WFDC2: variants seen among roughly 807,000 people sequenced by gnomAD.
WFDC2 encodes WAP four-disulfide core domain 2, also known as WAP four-disulfide core domain protein 2.
Under a neutral mutation model 12.5 loss-of-function variants are expected in WFDC2, and 8 were observed. The ratio of observed to expected loss-of-function variants is 0.64; its 90% confidence interval spans 0.37 to 1.15. WFDC2 has a LOEUF of 1.15. Among genes scored for constraint, WFDC2 ranks in the 50% most tolerant of loss-of-function variants. The probability of loss-of-function intolerance (pLI) is 0.01; values close to 1 mark genes in which losing one functional copy is unlikely to be tolerated. For missense variants in WFDC2, 166 were observed against 159.9 expected (o/e 1.04, Z -0.21); for synonymous variants, 74 against 67.2 (o/e 1.10, Z -0.49).
At position 45,470,545 on chromosome 20, in the gene WFDC2, C is replaced by T. The variant is rs753643547; in HGVS notation, c.223+13C>T. The T allele has an allele frequency of 1.1e-5, 18 of 1,582,084 alleles. No homozygotes were observed. Among genetic ancestry groups the T allele is most frequent in the South Asian group, 2.3e-5 (2 of 87,136 alleles). ...TCTCTGCCCAATGGTAACCCCACGG[C>T]GGCCGAGCGGGAACGGGGCGGGGCC... On this transcript the variant is annotated intron_variant, in intron 2 of 3. Coordinates refer to ENST00000372676, the MANE Select transcript of WFDC2 (RefSeq NM_006103.4). The surrounding 1 kb of genome is among the most constrained non-coding windows in gnomAD (Gnocchi z 5.4).
chr20:45,474,987 T>G (rs192403677), intron 2 of WFDC2, among the ~76,000 whole-genome samples: 85 of 152,360 alleles, frequency 5.6e-4, no homozygotes, highest in African/African-American at 1.7e-3. Context: ...TAGTATTCTC[T>G]GATGGTAGAT....
At chr20:45,477,284 G>A (rs1026451117) in intron 2 of WFDC2, among the ~76,000 whole-genome samples, 31 of 152,132 alleles carry the variant, frequency 2.0e-4, no homozygotes, top group African/African-American at 6.5e-4. Flanking sequence ...CAGCCTTTTT[G>A]TGCTGGTTTC....
chr20:45,476,981 GTATAGGCTTCATGACGT>G (rs1991240747), intron 2 of WFDC2, among the ~76,000 whole-genome samples: 1 of 151,468 alleles, frequency 6.6e-6, no homozygotes, highest in Non-Finnish European at 1.5e-5. Context: ...ATTGATACTT[GTATAGGCTTCATGACGT>G]TCTCGTGCTG....
chr20:45,470,406 A>ACTGG lies in WFDC2; in HGVS notation c.99_102dup (p.Val35TrpfsTer9), dbSNP rs760216084. The ACTGG allele has an allele frequency of 1.3e-6, 2 of 1,589,656 alleles. No homozygotes were observed. The highest frequency in any genetic ancestry group is 1.7e-6 in the Non-Finnish European group (2 of 1,167,312). On this transcript the variant is annotated frameshift_variant, in exon 2 of 4. Transcript: ENST00000372676. LOFTEE classifies it high-confidence loss of function. The surrounding 1 kb of genome is among the most constrained non-coding windows in gnomAD (Gnocchi z 5.4). ...CCTCCCAGGCACAGGAGCAGAGAAG[A>ACTGG]CTGGCGTGTGCCCCGAGCTCCAGGC...
At chr20:45,475,164 A>G (rs770108396) in intron 2 of WFDC2, among the ~76,000 whole-genome samples, 1 of 151,804 alleles carries the variant, frequency 6.6e-6, no homozygotes, top group African/African-American at 2.4e-5. Context: ...AGGGTTTTTC[A>G]TGTCTCTATC....
rs1991157261 is a variant in WFDC2, at chr20:45,470,572, C to T, written c.223+40C>T. ...GCCGAGCGGGAACGGGGCGGGGCCGCGCTGGGCTGGGAGGAGGTGGGAGGG... is the reference window on the plus strand; with the variant it reads ...GCCGAGCGGGAACGGGGCGGGGCCGTGCTGGGCTGGGAGGAGGTGGGAGGG... On this transcript the variant is annotated intron_variant, in intron 2 of 3. Coordinates refer to ENST00000372676, the MANE Select transcript of WFDC2 (RefSeq NM_006103.4). This position sits in a 1 kb window ranked among gnomAD's most constrained non-coding sequence, Gnocchi z 5.4. The T allele has an allele frequency of 1.9e-6, 3 of 1,542,438 alleles. No homozygotes were observed. Among genetic ancestry groups the T allele is most frequent in the Non-Finnish European group, 8.8e-7 (1 of 1,139,878 alleles).
At chr20:45,471,282 G>A in intron 2 of WFDC2, 1 of 427,968 alleles carries the variant, frequency 2.3e-6, no homozygotes, top group Non-Finnish European at 5.0e-6. Context: ...TCTCTCAAAG[G>A]TGCTTGCTGG....
intron 2 of WFDC2, among the ~76,000 whole-genome samples, chr20:45,473,671 T>C (rs1991199630): frequency 6.6e-6 from 1 of 152,238 alleles, no homozygotes; most frequent in South Asian, 2.1e-4. Context: ...TGTGGGCTTT[T>C]ATTTGGTTCC....
intron 2 of WFDC2, among the ~76,000 whole-genome samples, chr20:45,474,998 T>G (rs779389680): frequency 2.0e-5 from 3 of 152,222 alleles, no homozygotes; most frequent in Non-Finnish European, 4.4e-5. Context: ...GATGGTAGAT[T>G]GTATTTCTGT....
rs16990216 is a variant in WFDC2 at position 45,470,143 on chromosome 20, C to A, written c.80-246C>A. On this transcript the variant is annotated intron_variant, in intron 1 of 3. Transcript: ENST00000372676. The surrounding 1 kb of genome is among the most constrained non-coding windows in gnomAD (Gnocchi z 5.4). ...TGCCTCGACCTCGGAAGCTCCGAGA[C>A]GCTCAGCTGTGCGGCGTCCCCTAGG... 0.099 allele frequency among the ~76,000 whole-genome samples: 15,049 copies of A among 152,100 alleles called. 1,144 individuals are homozygous for A. The highest frequency in any genetic ancestry group is 0.2 in the African/African-American group (8,390 of 41,470).
chr20:45,471,234 C>G (rs1345100615), intron 2 of WFDC2: 2 of 465,632 alleles, frequency 4.3e-6, no homozygotes, highest in Non-Finnish European at 9.0e-6. Flanking sequence ...CAGTCAATCT[C>G]TTCCACTCTA....
At chr20:45,475,067 C>G (rs554750818) in intron 2 of WFDC2, among the ~76,000 whole-genome samples, 22 of 152,096 alleles carry the variant, frequency 1.4e-4, no homozygotes, top group African/African-American at 5.3e-4. Flanking sequence ...ATTCTTCTCT[C>G]TTTTCTTTAT....
Position 45,470,674 on chromosome 20 carries a change from C to A in WFDC2, c.223+142C>A. On this transcript the variant is annotated intron_variant, in intron 2 of 3. Coordinates refer to ENST00000372676, the MANE Select transcript of WFDC2 (RefSeq NM_006103.4). The surrounding 1 kb of genome is among the most constrained non-coding windows in gnomAD (Gnocchi z 5.4). ...TCAAGGCGGTTGAAACCAGATCCGTCAGTCCTCTCCCTCGCACGGCCCAGG... is the reference window on the plus strand; with the variant it reads ...TCAAGGCGGTTGAAACCAGATCCGTAAGTCCTCTCCCTCGCACGGCCCAGG... The A allele has an allele frequency of 8.3e-7, 1 of 1,210,442 alleles. No homozygotes were observed. 75.0% of individuals were successfully genotyped at this position (1,210,442 alleles called of 1,614,324 possible).
At chr20:45,474,252 G>A (rs1991206422) in intron 2 of WFDC2, among the ~76,000 whole-genome samples, 1 of 152,184 alleles carries the variant, frequency 6.6e-6, no homozygotes, top group Non-Finnish European at 1.5e-5. Flanking sequence ...TGCTTGTCTT[G>A]TGCCGGTTTT....
intron 3 of WFDC2, among the ~76,000 whole-genome samples, 164 bp downstream of exon 3, chr20:45,480,258 G>A (rs1991285994): frequency 1.3e-5 from 2 of 152,100 alleles, no homozygotes; most frequent in African/African-American, 2.4e-5. Context: ...AGTGAAAGGT[G>A]GGTAGTCTGA....
chr20:45,478,032 G>A (rs1401497091), intron 2 of WFDC2, among the ~76,000 whole-genome samples: 1 of 152,168 alleles, frequency 6.6e-6, no homozygotes, highest in Admixed American at 6.5e-5. Context: ...GAGAGTTCCA[G>A]GTCAACTTCA....
chr20:45,474,825 G>A (rs1447873419), intron 2 of WFDC2, among the ~76,000 whole-genome samples: 1 of 152,142 alleles, frequency 6.6e-6, no homozygotes, highest in Non-Finnish European at 1.5e-5. Context: ...TTTTTGGTTG[G>A]TAGGCTATTA....
At chr20:45,473,161 G>T (rs1991193744) in intron 2 of WFDC2, among the ~76,000 whole-genome samples, 1 of 152,090 alleles carries the variant, frequency 6.6e-6, no homozygotes, top group Non-Finnish European at 1.5e-5. Context: ...AGTTTCTTTT[G>T]CTGTGCAGAA....
chr20:45,473,394 T>A (rs1991196262), intron 2 of WFDC2, among the ~76,000 whole-genome samples: 1 of 152,272 alleles, frequency 6.6e-6, no homozygotes, highest in African/African-American at 2.4e-5. Flanking sequence ...TTCAGTTTTC[T>A]GCATATGGCT....
Sources: allele counts gnomAD v4.1 joint callset (sites outside exome capture counted in the v4.1 genomes callset), GRCh38; gene constraint gnomAD v4.1.1; non-coding constraint Gnocchi (gnomAD v3.1); transcripts MANE v1.5; gene names NCBI Gene and HGNC (gene_info 2026-07-23, HGNC 2026-07-21).